NEXN: variants seen among roughly 807,000 people sequenced by gnomAD.
NEXN encodes nexilin F-actin binding protein.
NEXN carries 65 observed loss-of-function variants against 92.6 expected under a neutral mutation model. The ratio of observed to expected loss-of-function variants is 0.70; its 90% CI spans 0.57 to 0.86. The LOEUF is 0.86. Ranked by LOEUF, NEXN falls within the 40% of genes least tolerant of loss-of-function variation. The probability of loss-of-function intolerance (pLI) is 0.00; values close to 1 mark genes in which losing one functional copy is unlikely to be tolerated. For missense variants in NEXN, 778 were observed against 771.1 expected, an observed-to-expected ratio of 1.01 and a Z score of -0.11; for synonymous variants, 254 against 242.5, an observed-to-expected ratio of 1.05 and a Z score of -0.44.
chr1:77,942,438 T>A, intron 12 of NEXN, 23 bp from the exon 13 acceptor site: 2 of 1,602,830 alleles, frequency 1.2e-6, no homozygotes, highest in Non-Finnish European at 1.7e-6. Flanking sequence ...AATGCCAACC[T>A]GAATGCATTT....
chr1:77,933,769 TTATA>T (rs1224281694), intron 10 of NEXN, among the ~76,000 whole-genome samples: 1 of 152,142 alleles, frequency 6.6e-6, no homozygotes, highest in African/African-American at 2.4e-5. Flanking sequence ...AATACATATA[TTATA>T]TATAGACTAT....
chr1:77,917,773 T>C lies in NEXN; in HGVS notation c.219+16T>C. 6.3e-7 allele frequency: 1 copy of C among 1,584,090 alleles called. No homozygotes were observed. The highest frequency in any genetic ancestry group is 1.1e-5 in the South Asian group (1 of 89,910). Reference sequence around the variant, plus strand: ...AAAGCAGGAGGTTATTTTATTTTACTTTATTCTCGTGAAAATATTTGTTTG... The same window carrying C: ...AAAGCAGGAGGTTATTTTATTTTACCTTATTCTCGTGAAAATATTTGTTTG... On this transcript the variant is annotated intron_variant, in intron 3 of 12. Coordinates refer to ENST00000334785, the MANE Select transcript of NEXN (RefSeq NM_144573.4).
At chr1:77,941,707 T>C in intron 11 of NEXN, 1 of 378,282 alleles carries the variant, frequency 2.6e-6, no homozygotes, top group Non-Finnish European at 5.0e-6. Flanking sequence ...ATTTAGAATG[T>C]ATAGCATTCT....
chr1:77,896,294 A>G (rs368650885), intron 1 of NEXN, among the ~76,000 whole-genome samples: 25 of 152,256 alleles, frequency 1.6e-4, no homozygotes, highest in East Asian at 1.5e-3. Flanking sequence ...AACCCTGTTC[A>G]CCCATTTGCT....
At position 77,943,252 on chromosome 1, in the gene NEXN, C is replaced by A; in HGVS notation, c.*423C>A. On this transcript the variant is annotated 3_prime_UTR_variant, in exon 13 of 13. Coordinates refer to ENST00000334785, the MANE Select transcript of NEXN (RefSeq NM_144573.4). Reference sequence around the variant, plus strand: ...AAAACAAAAACAAAAAAAAAACACACAAACCTAAGTAGAATACATTATTTT... The same window carrying A: ...AAAACAAAAACAAAAAAAAAACACAAAAACCTAAGTAGAATACATTATTTT... The A allele has an allele frequency of 4.3e-6, 1 of 230,018 alleles. No homozygotes were observed. Among genetic ancestry groups the A allele is most frequent in the Admixed American group, 5.2e-5 (1 of 19,218 alleles). The allele number at this position is 230,018 out of a possible 1,614,324, so 14.2% of individuals were successfully genotyped here. A position where few individuals can be genotyped will look rare whatever the true frequency, so the allele number is the denominator to read the frequency against.
chr1:77,925,957 C>G (rs575229533), intron 6 of NEXN, among the ~76,000 whole-genome samples: 1 of 151,932 alleles, frequency 6.6e-6, no homozygotes, highest in Non-Finnish European at 1.5e-5. Flanking sequence ...CTTGGAAATA[C>G]TGTGTTTTTT....
At chr1:77,936,572 T>C (rs933661330) in intron 11 of NEXN, among the ~76,000 whole-genome samples, 1 of 152,230 alleles carries the variant, frequency 6.6e-6, no homozygotes, top group East Asian at 1.9e-4. Flanking sequence ...AAAGTTACAG[T>C]AGTAATTCGG....
In NEXN at chr1:77,942,007, G is replaced by A. The variant is rs751482294; in HGVS notation, c.1474-16G>A. The stretch of plus-strand genomic sequence containing the variant: ...AGAAGGCAAGCAATTGTTAATCTTG[G>A]CCCACTTTCTTGCAGGAAGATGATG... On this transcript the variant is annotated splice_polypyrimidine_tract_variant and intron_variant, in intron 11 of 12. Transcript: ENST00000334785. The A allele has an allele frequency of 6.2e-7, 1 of 1,609,288 alleles. No individual in the cohort carries two copies. Among genetic ancestry groups the A allele is most frequent in the African/African-American group, 1.3e-5 (1 of 74,906 alleles).
chr1:77,929,341 A>G lies in NEXN; in HGVS notation c.890A>G (p.Asp297Gly). The G allele has an allele frequency of 6.2e-7, 1 of 1,613,590 alleles. No homozygotes were observed. The change falls in exon 9 of 13, where the codon GAC (aspartate) becomes GGC (glycine). Residue 297 changes from aspartate to glycine, a missense_variant. By Grantham distance (94) the Asp-to-Gly change is moderately conservative (BLOSUM62 -1). This residue lies in a region of NEXN where 532 missense variants were observed against 476.7 expected (regional missense o/e 1.12). Coordinates refer to ENST00000334785, the MANE Select transcript of NEXN (RefSeq NM_144573.4). ...GTAAATGAAGATGAGGAAAACCAAG[A>G]CACAGCAAAAATTTTTAAAGGGTAC... ...QMVNEDEENQDTAKIFKGYRP... is the reference protein window; with the variant it reads ...QMVNEDEENQGTAKIFKGYRP...
At chr1:77,942,288 A>C in intron 12 of NEXN, 80 bp downstream of exon 12, 1 of 1,485,716 alleles carries the variant, frequency 6.7e-7, no homozygotes, top group African/African-American at 1.4e-5. Flanking sequence ...GGTTAAAAAA[A>C]TGTTTTAATG....
intron 8 of NEXN, among the ~76,000 whole-genome samples, chr1:77,928,429 TAGAC>T (rs1360791515): frequency 2.0e-5 from 3 of 152,006 alleles, no homozygotes; most frequent in Admixed American, 2.0e-4. Context: ...TTTAATTTTC[TAGAC>T]ATTTATTTGA....
At chr1:77,926,938 G>C in intron 8 of NEXN, 46 bp downstream of exon 8, 1 of 1,610,610 alleles carries the variant, frequency 6.2e-7, no homozygotes, top group Non-Finnish European at 8.5e-7. Flanking sequence ...AATGAAGTTA[G>C]CCGACTTAAG....
At chr1:77,937,698 A>C (rs542857784) in intron 11 of NEXN, among the ~76,000 whole-genome samples, 2 of 152,294 alleles carry the variant, frequency 1.3e-5, no homozygotes, top group East Asian at 3.9e-4. Flanking sequence ...CAAAAAAATA[A>C]AAAATAAAAA....
chr1:77,922,830 C>T (rs1373624256), intron 5 of NEXN, among the ~76,000 whole-genome samples: 1 of 151,526 alleles, frequency 6.6e-6, no homozygotes, highest in East Asian at 1.9e-4. Flanking sequence ...CTCCTGATCT[C>T]GTGATCCGCC....
At chr1:77,918,375 C>T in intron 5 of NEXN, 102 bp downstream of exon 5, 1 of 1,337,306 alleles carries the variant, frequency 7.5e-7, no homozygotes, top group South Asian at 1.2e-5. Context: ...GTAACATAAA[C>T]CTATTAAAAA....
intron 6 of NEXN, 121 bp downstream of exon 6, chr1:77,925,350 C>CA: frequency 1.3e-6 from 1 of 760,044 alleles, no homozygotes; most frequent in Non-Finnish European, 2.2e-6. Context: ...GTAGAAATAA[C>CA]AAAAAAGTAT....
chr1:77,895,673 G>T (rs958194711), intron 1 of NEXN, among the ~76,000 whole-genome samples: 2 of 152,084 alleles, frequency 1.3e-5, no homozygotes, highest in African/African-American at 4.8e-5. Flanking sequence ...AGATCAGTCT[G>T]GTCAACATGG....
chr1:77,929,647 C>T, intron 9 of NEXN, 143 bp downstream of exon 9: 5 of 1,075,580 alleles, frequency 4.6e-6, no homozygotes, highest in Non-Finnish European at 7.0e-6. Context: ...TAAAGTCTCC[C>T]ATGGAATAAC....
chr1:77,916,101 G>A lies in NEXN; in HGVS notation c.-6G>A. 1 of 1,606,226 alleles carries A rather than the reference G, an allele frequency of 6.2e-7. No homozygotes were observed. The highest frequency in any genetic ancestry group is 1.1e-5 in the South Asian group (1 of 90,522). ...CATAATCAGCCCAAGACCACATAGA[G>A]CAAACATGAATGATATTTCCCAAAA... is the stretch of plus-strand genomic sequence containing the variant. On this transcript the variant is annotated 5_prime_UTR_variant, in exon 2 of 13. Transcript: ENST00000334785.
Sources: allele counts gnomAD v4.1 joint callset (sites outside exome capture counted in the v4.1 genomes callset), GRCh38; gene constraint gnomAD v4.1.1; regional missense constraint gnomAD v4.1.1; transcripts MANE v1.5; gene names NCBI Gene and HGNC (gene_info 2026-07-23, HGNC 2026-07-21).